GRAMD2B: variants seen among roughly 807,000 people sequenced by gnomAD.
GRAMD2B encodes GRAM domain containing 2B.
A neutral mutation model predicts 59.2 loss-of-function variants in GRAMD2B; 41 were observed. The ratio of observed to expected loss-of-function variants is 0.69; its 90% CI spans 0.54 to 0.90. The LOEUF (loss-of-function observed/expected upper bound fraction) is 0.90. Among genes scored for constraint, GRAMD2B ranks in the 40% least tolerant of loss-of-function variants. The probability of loss-of-function intolerance (pLI) is 0.00; values close to 1 mark genes in which losing one functional copy is unlikely to be tolerated. For missense variants in GRAMD2B, 424 were observed against 500.5 expected, an observed-to-expected ratio of 0.85 and a Z score of 1.46; for synonymous variants, 161 against 182.7, an observed-to-expected ratio of 0.88 and a Z score of 0.96.
intron 1 of GRAMD2B, among the ~76,000 whole-genome samples, chr5:126,435,105 T>C (rs905377118): frequency 1.3e-5 from 2 of 152,196 alleles, no homozygotes; most frequent in Non-Finnish European, 2.9e-5. Context: ...AGTTACCTAA[T>C]GCTTACTCTG....
At chr5:126,426,130 T>C (rs1003402687) in intron 1 of GRAMD2B, among the ~76,000 whole-genome samples, 3 of 151,980 alleles carry the variant, frequency 2.0e-5, no homozygotes, top group East Asian at 3.8e-4. Flanking sequence ...ACAATTATGA[T>C]TTGTCAATTA....
chr5:126,398,007 G>T (rs1037665031), intron 1 of GRAMD2B, among the ~76,000 whole-genome samples: 2 of 144,730 alleles, frequency 1.4e-5, no homozygotes, highest in African/African-American at 2.6e-5. Context: ...ATGTTTTTTC[G>T]TTGTTGGGAG....
At chr5:126,431,747 A>G (rs192894615) in intron 1 of GRAMD2B, among the ~76,000 whole-genome samples, 1 of 151,786 alleles carries the variant, frequency 6.6e-6, no homozygotes, top group Admixed American at 6.6e-5. Flanking sequence ...GAGGGAAATA[A>G]TACTGAGTTA....
chr5:126,364,182 C>A (rs1361323697), intron 1 of GRAMD2B, among the ~76,000 whole-genome samples: 1 of 152,108 alleles, frequency 6.6e-6, no homozygotes, highest in Non-Finnish European at 1.5e-5. Flanking sequence ...CTATTATTCC[C>A]ATTTTACAGA....
intron 1 of GRAMD2B, among the ~76,000 whole-genome samples, chr5:126,461,525 A>T (rs1018198863): frequency 6.6e-6 from 1 of 152,184 alleles, no homozygotes; most frequent in South Asian, 2.1e-4. Flanking sequence ...CTGGCTGGGC[A>T]TGGTGGTTTA....
chr5:126,399,096 A>G (rs1293517157), intron 1 of GRAMD2B, among the ~76,000 whole-genome samples: 1 of 152,158 alleles, frequency 6.6e-6, no homozygotes, highest in Admixed American at 6.5e-5. Flanking sequence ...GTTCTATGTA[A>G]GTCTGTTAGG....
chr5:126,468,840 C>CTAA (rs1162674173), intron 2 of GRAMD2B, among the ~76,000 whole-genome samples: 1 of 152,104 alleles, frequency 6.6e-6, no homozygotes, highest in Admixed American at 6.5e-5. Context: ...ATACCTTCTC[C>CTAA]TAACTCCTAT....
chr5:126,456,246 T>A (rs1024425752), intron 1 of GRAMD2B, among the ~76,000 whole-genome samples: 35 of 152,180 alleles, frequency 2.3e-4, no homozygotes, highest in African/African-American at 8.4e-4. Context: ...GGTCTCACTC[T>A]GTCACCCAGG....
At chr5:126,440,278 T>C (rs1471158657) in intron 1 of GRAMD2B, among the ~76,000 whole-genome samples, 1 of 152,196 alleles carries the variant, frequency 6.6e-6, no homozygotes, top group Non-Finnish European at 1.5e-5. Context: ...ACTTATGAAG[T>C]ATTTCTTAAA....
chr5:126,416,627 C>T (rs940368731), intron 1 of GRAMD2B, among the ~76,000 whole-genome samples: 5 of 152,316 alleles, frequency 3.3e-5, no homozygotes, highest in South Asian at 4.1e-4. Context: ...ATCCTTCTCC[C>T]GCCAACCTTC....
chr5:126,474,418 T>TTTATTGA (rs1212123819), intron 5 of GRAMD2B, among the ~76,000 whole-genome samples: 1 of 152,250 alleles, frequency 6.6e-6, no homozygotes. Context: ...CATATTCTTT[T>TTTATTGA]TTATTGATTT....
chr5:126,449,715 G>A (rs1192571789), intron 1 of GRAMD2B, among the ~76,000 whole-genome samples: 3 of 152,146 alleles, frequency 2.0e-5, no homozygotes, highest in African/African-American at 7.2e-5. Flanking sequence ...AAAGAATCCT[G>A]AGCTGTAATA....
Position 126,374,483 on chromosome 5 carries a change from A to G in GRAMD2B, c.125+2916A>G, listed in dbSNP as rs1324027492. Among the ~76,000 whole-genome samples the G allele has an allele frequency of 2.6e-5, 4 of 152,274 alleles. No individual in the cohort carries two copies. The South Asian group carries it at 8.3e-4, about 32-fold the overall frequency. Reference sequence around the variant, plus strand: ...ACGCTGATCTTTTGTTATGTGTTGCAAGTATTTTATTCCAACATATGACTT... The same window carrying G: ...ACGCTGATCTTTTGTTATGTGTTGCGAGTATTTTATTCCAACATATGACTT... On this transcript the variant is annotated intron_variant, in intron 1 of 8. Coordinates refer to the GRAMD2B transcript ENST00000506445.
intron 1 of GRAMD2B, among the ~76,000 whole-genome samples, chr5:126,401,096 A>C (rs1757796098): frequency 6.6e-6 from 1 of 151,860 alleles, no homozygotes; most frequent in South Asian, 2.1e-4. Context: ...GTGTTTTATA[A>C]ATCTCTTAGG....
chr5:126,389,925 G>T (rs753763782), intron 1 of GRAMD2B, among the ~76,000 whole-genome samples: 35 of 152,070 alleles, frequency 2.3e-4, no homozygotes, highest in Non-Finnish European at 4.4e-4. Flanking sequence ...TCCAACCTGC[G>T]CAACAGAGTG....
intron 1 of GRAMD2B, among the ~76,000 whole-genome samples, chr5:126,463,174 G>A (rs548044467): frequency 9.2e-5 from 14 of 152,270 alleles, no homozygotes; most frequent in African/African-American, 3.4e-4. Context: ...TCTCTGCCAG[G>A]AGCACCTTTT....
intron 1 of GRAMD2B, among the ~76,000 whole-genome samples, chr5:126,425,600 C>T (rs1408920687): frequency 6.6e-6 from 1 of 151,920 alleles, no homozygotes; most frequent in African/African-American, 2.4e-5. Context: ...GACCCTGTCT[C>T]TACAGACAAA....
intron 1 of GRAMD2B, among the ~76,000 whole-genome samples, chr5:126,461,286 C>G (rs1464047079): frequency 6.6e-6 from 1 of 152,180 alleles, no homozygotes; most frequent in Non-Finnish European, 1.5e-5. Context: ...CTCACAGAGA[C>G]TATCTCCAGC....
intron 3 of GRAMD2B, among the ~76,000 whole-genome samples, chr5:126,471,537 T>A (rs1769588519): frequency 6.6e-6 from 1 of 152,144 alleles, no homozygotes; most frequent in South Asian, 2.1e-4. Flanking sequence ...CCCTGGAGAG[T>A]GAAGTCTTTG....
Sources: allele counts gnomAD v4.1 joint callset (sites outside exome capture counted in the v4.1 genomes callset), GRCh38; gene constraint gnomAD v4.1.1; transcripts MANE v1.5; gene names NCBI Gene and HGNC (gene_info 2026-07-23, HGNC 2026-07-21).